ARFIP1: variants seen among roughly 807,000 people sequenced by gnomAD.
The protein encoded by ARFIP1 is ARF interacting protein 1, also known as arfaptin-1.
A neutral mutation model predicts 42.5 loss-of-function variants in ARFIP1; 24 were observed. The observed-to-expected ratio is 0.57, with a 90% CI of 0.41 to 0.80. The LOEUF is 0.80. Ranked by LOEUF, ARFIP1 falls within the 30% of genes least tolerant of loss-of-function variation. The probability of loss-of-function intolerance (pLI) is 0.00; values close to 1 mark genes in which losing one functional copy is unlikely to be tolerated. For missense variants in ARFIP1, 354 were observed against 434.0 expected, an observed-to-expected ratio of 0.82 and a Z score of 1.64; for synonymous variants, 141 against 153.7, an observed-to-expected ratio of 0.92 and a Z score of 0.61.
chr4:152,889,923 T>G (rs1000234607), intron 8 of ARFIP1, among the ~76,000 whole-genome samples: 5 of 139,470 alleles, frequency 3.6e-5, no homozygotes, highest in African/African-American at 1.1e-4. Context: ...ATATAGTGTA[T>G]GTATACTATA....
Position 152,780,082 on chromosome 4 carries a change from A to G in ARFIP1, c.-154A>G, listed in dbSNP as rs1211061967. 1 of 152,370 alleles carries G rather than the reference A, an allele frequency of 6.6e-6. No homozygotes were observed. Among genetic ancestry groups the G allele is most frequent in the Non-Finnish European group, 1.5e-5 (1 of 68,146 alleles). The allele number at this position is 152,370 out of a possible 1,614,324, so 9.4% of individuals were successfully genotyped here. A position where few individuals can be genotyped will look rare whatever the true frequency, so the allele number is the denominator to read the frequency against. ...CAGCTGCAGTTGCTCCCCGCCCCCG[A>G]GCAGCCGAGGTGCGTGGGGGAAGGG... On this transcript the variant is annotated 5_prime_UTR_variant, in exon 1 of 9. Coordinates refer to ENST00000353617, the MANE Select transcript of ARFIP1 (RefSeq NM_001025595.3).
chr4:152,904,200 T>TATA (rs1561185816), intron 8 of ARFIP1, among the ~76,000 whole-genome samples: 5 of 66,166 alleles, frequency 7.6e-5, no homozygotes, highest in African/African-American at 2.3e-4. Flanking sequence ...ATATATATAT[T>TATA]TTTTTTTTTT....
At chr4:152,799,912 A>G (rs537630148) in intron 1 of ARFIP1, among the ~76,000 whole-genome samples, 36 of 152,316 alleles carry the variant, frequency 2.4e-4, no homozygotes, top group African/African-American at 4.8e-4. Context: ...TTCCTGCTCA[A>G]TAGGGAGTTA....
intron 2 of ARFIP1, among the ~76,000 whole-genome samples, chr4:152,853,775 G>A (rs1733186924): frequency 6.6e-6 from 1 of 151,772 alleles, no homozygotes; most frequent in Non-Finnish European, 1.5e-5. Context: ...CACCCTCTGG[G>A]ACCCCGATAA....
chr4:152,797,358 T>C (rs1341542858), intron 1 of ARFIP1, among the ~76,000 whole-genome samples: 2 of 152,226 alleles, frequency 1.3e-5, no homozygotes, highest in Non-Finnish European at 2.9e-5. Flanking sequence ...GCTTTAATTA[T>C]AGATGTTTTT....
chr4:152,818,673 G>A lies in ARFIP1; in HGVS notation c.-9-10952G>A, dbSNP rs552628789. On this transcript the variant is annotated intron_variant, in intron 1 of 8. Coordinates refer to ENST00000353617, the MANE Select transcript of ARFIP1 (RefSeq NM_001025595.3). ...ACTCCTGCTTCCACAGACTGGGAAT[G>A]GTGTTTCTCGGAAACTGTGATTTCT... Among the ~76,000 whole-genome samples the A allele has an allele frequency of 4.6e-5, 7 of 152,290 alleles. No individual in the cohort carries two copies. In the South Asian group the frequency reaches 1.5e-3, roughly 32 times the overall value.
intron 5 of ARFIP1, among the ~76,000 whole-genome samples, chr4:152,879,625 A>G (rs1424325620): frequency 6.6e-6 from 1 of 151,306 alleles, no homozygotes; most frequent in African/African-American, 2.4e-5. Flanking sequence ...CAAGACGGGC[A>G]GATCACTTGA....
intron 3 of ARFIP1, among the ~76,000 whole-genome samples, chr4:152,865,832 A>G (rs1578962690): frequency 6.6e-6 from 1 of 152,304 alleles, no homozygotes; most frequent in East Asian, 1.9e-4. Flanking sequence ...TTAAATGTCA[A>G]CATAGAATAA....
At chr4:152,856,556 G>A (rs79916008) in intron 2 of ARFIP1, among the ~76,000 whole-genome samples, 4,547 of 152,262 alleles carry the variant, frequency 0.03, 106 homozygotes, top group Middle Eastern at 0.041. Context: ...ATACGGGGAG[G>A]ATGTGTATAG....
rs1187618928 is a variant in ARFIP1, at chr4:152,888,264, G to A, written c.923G>A (p.Arg308His). The change falls in exon 8 of 9, where the codon CGC becomes CAC. Residue 308 changes from arginine to histidine, a missense_variant. Physicochemically the swap from Arg to His is conservative, Grantham distance 29. Coordinates refer to ENST00000353617, the MANE Select transcript of ARFIP1 (RefSeq NM_001025595.3). ...CATAAGGAAAAATATGATAAAATGC[G>A]CAATGATGTTTCTGTCAAATTGAAA... Reference protein sequence around the residue: ...QAHKEKYDKMRNDVSVKLKFL... With the variant: ...QAHKEKYDKMHNDVSVKLKFL... The A allele has an allele frequency of 3.1e-6, 5 of 1,608,662 alleles. No individual in the cohort carries two copies. Among genetic ancestry groups the A allele is most frequent in the Admixed American group, 3.4e-5 (2 of 58,824 alleles).
At chr4:152,907,234 A>G (rs1479574297) in intron 8 of ARFIP1, among the ~76,000 whole-genome samples, 1 of 152,230 alleles carries the variant, frequency 6.6e-6, no homozygotes, top group African/African-American at 2.4e-5. Context: ...AATGGAGGTA[A>G]GTAACATTTT....
intron 1 of ARFIP1, chr4:152,796,417 C>T (rs1350534874): frequency 1.3e-6 from 1 of 741,196 alleles, no homozygotes; most frequent in Non-Finnish European, 2.5e-6. Flanking sequence ...ATGCCTTCTT[C>T]TTTCTCTTTC....
chr4:152,806,185 A>G (rs1728983119), intron 1 of ARFIP1, among the ~76,000 whole-genome samples: 1 of 152,226 alleles, frequency 6.6e-6, no homozygotes, highest in African/African-American at 2.4e-5. Flanking sequence ...CAGTACTTCT[A>G]ATTTTCAGAC....
intron 7 of ARFIP1, among the ~76,000 whole-genome samples, chr4:152,887,412 T>C (rs1736353867): frequency 6.6e-6 from 1 of 152,050 alleles, no homozygotes; most frequent in African/African-American, 2.4e-5. Flanking sequence ...TTGTCAAGTA[T>C]AGTAGCCACA....
chr4:152,851,738 A>AT (rs1477210836), intron 2 of ARFIP1, among the ~76,000 whole-genome samples: 1 of 152,256 alleles, frequency 6.6e-6, no homozygotes, highest in East Asian at 1.9e-4. Context: ...GACTTAGGAC[A>AT]TTCTCAAGGA....
At chr4:152,892,635 A>G (rs1324174907) in intron 8 of ARFIP1, among the ~76,000 whole-genome samples, 2 of 152,208 alleles carry the variant, frequency 1.3e-5, no homozygotes, top group Admixed American at 1.3e-4. Flanking sequence ...TTTCTTCCGT[A>G]TGGCAAAAGA....
At chr4:152,892,213 C>T (rs1244114758) in intron 8 of ARFIP1, among the ~76,000 whole-genome samples, 1 of 152,052 alleles carries the variant, frequency 6.6e-6, no homozygotes, top group Non-Finnish European at 1.5e-5. Flanking sequence ...TGCTAGTCAT[C>T]CTATTTCTTA....
At chr4:152,804,212 T>TTA (rs1448199695) in intron 1 of ARFIP1, among the ~76,000 whole-genome samples, 2 of 118,960 alleles carry the variant, frequency 1.7e-5, no homozygotes, top group African/African-American at 7.0e-5. Context: ...GTATTATATA[T>TTA]TATATATAAT....
At chr4:152,909,176 G>A (rs1176199574) in intron 8 of ARFIP1, among the ~76,000 whole-genome samples, 3 of 152,116 alleles carry the variant, frequency 2.0e-5, no homozygotes, top group Admixed American at 1.3e-4. Flanking sequence ...CCTGAGGTCA[G>A]GAGTTTGAGA....
Sources: allele counts gnomAD v4.1 joint callset (sites outside exome capture counted in the v4.1 genomes callset), GRCh38; gene constraint gnomAD v4.1.1; transcripts MANE v1.5; gene names NCBI Gene and HGNC (gene_info 2026-07-23, HGNC 2026-07-21).